Variants in KIAA1958 observed in about 807,000 individuals in gnomAD.
The protein encoded by KIAA1958 is uncharacterized protein KIAA1958.
Under a neutral mutation model 47.2 loss-of-function variants are expected in KIAA1958, and 14 were observed. The ratio of observed to expected loss-of-function variants is 0.30; its 90% confidence interval spans 0.20 to 0.46. The LOEUF (loss-of-function observed/expected upper bound fraction) is 0.46. Among genes scored for constraint, KIAA1958 ranks in the 20% least tolerant of loss-of-function variants. The probability of loss-of-function intolerance (pLI) is 1.00; values close to 1 mark genes in which losing one functional copy is unlikely to be tolerated. For synonymous variants in KIAA1958, 354 were observed against 353.3 expected, an observed-to-expected ratio of 1.00 and a Z score of -0.02; for missense variants, 803 against 909.2, an observed-to-expected ratio of 0.88 and a Z score of 1.50.
intron 3 of KIAA1958, among the ~76,000 whole-genome samples, chr9:112,647,699 A>C: frequency 6.6e-6 from 1 of 152,258 alleles, no homozygotes; most frequent in East Asian, 1.9e-4. Context: ...AACCAGACAC[A>C]ACATGTGAAA....
In KIAA1958 at chr9:112,660,885, C is replaced by T. The variant is rs1354257784; in HGVS notation, c.*816C>T. On this transcript the variant is annotated 3_prime_UTR_variant, in exon 4 of 4. Coordinates refer to ENST00000337530, the MANE Select transcript of KIAA1958 (RefSeq NM_133465.4). ...TGAAAACCTCCTGAAGCAGAAGTGC[C>T]TATGTTTTATTTCTCAGCACCATGT... 6.6e-6 allele frequency: 1 copy of T among 152,166 alleles called. No individual in the cohort carries two copies. Among genetic ancestry groups the T allele is most frequent in the African/African-American group, 2.4e-5 (1 of 41,426 alleles). 9.4% of individuals were successfully genotyped at this position (152,166 alleles called of 1,614,324 possible).
At chr9:112,657,360 G>C (rs1231490363) in intron 3 of KIAA1958, among the ~76,000 whole-genome samples, 1 of 152,112 alleles carries the variant, frequency 6.6e-6, no homozygotes, top group African/African-American at 2.4e-5. Context: ...CCAAAGTGCT[G>C]AGATTACAGG....
chr9:112,504,499 A>G (rs1834201752), intron 1 of KIAA1958, among the ~76,000 whole-genome samples: 2 of 152,142 alleles, frequency 1.3e-5, no homozygotes, highest in South Asian at 4.1e-4. Flanking sequence ...AAGATTAACT[A>G]TTTTTAATCC....
At position 112,661,231 on chromosome 9, in the gene KIAA1958, T is replaced by C. The variant is rs1175224525; in HGVS notation, c.*1162T>C. On this transcript the variant is annotated 3_prime_UTR_variant, in exon 4 of 4. Transcript: ENST00000337530. Reference sequence around the variant, plus strand: ...AAACTCAGCATTAAGGATGTAGTTATAAAATTAGCGCATAATGGTAGGTAA... The same window carrying C: ...AAACTCAGCATTAAGGATGTAGTTACAAAATTAGCGCATAATGGTAGGTAA... The C allele has an allele frequency of 6.6e-6, 1 of 152,224 alleles. No individual in the cohort carries two copies. Among genetic ancestry groups the C allele is most frequent in the Non-Finnish European group, 1.5e-5 (1 of 68,048 alleles). 9.4% of individuals were successfully genotyped at this position (152,224 alleles called of 1,614,324 possible).
rs371519451 is a variant in KIAA1958 at position 112,496,001 on chromosome 9, A to G, written c.-25+8883A>G. The stretch of plus-strand genomic sequence containing the variant: ...CTTACTGACAAACTTGAGTGAGGCC[A>G]TCTTTGACCTTATAGTTTAGCTGAC... On this transcript the variant is annotated intron_variant, in intron 1 of 3. Transcript: ENST00000337530. 1.7e-4 allele frequency among the ~76,000 whole-genome samples: 26 copies of G among 152,330 alleles called. No individual in the cohort carries two copies. In the East Asian group the frequency reaches 1.7e-3, roughly 10 times the overall value.
chr9:112,615,271 T>A (rs1010280960), intron 2 of KIAA1958, among the ~76,000 whole-genome samples: 2 of 151,664 alleles, frequency 1.3e-5, no homozygotes, highest in Admixed American at 6.6e-5. Flanking sequence ...AATACAAAAA[T>A]TAGCCAGGCA....
chr9:112,512,729 C>G (rs1239977692), intron 1 of KIAA1958, among the ~76,000 whole-genome samples: 2 of 151,546 alleles, frequency 1.3e-5, no homozygotes, highest in African/African-American at 2.4e-5. Flanking sequence ...GCAGGGGAGA[C>G]AAGTTACTGG....
In KIAA1958 at chr9:112,668,550, G is replaced by C. The variant is rs1837379944; in HGVS notation, c.*8481G>C. The C allele has an allele frequency of 6.6e-6, 1 of 152,158 alleles. No homozygotes were observed. Among genetic ancestry groups the C allele is most frequent in the South Asian group, 2.1e-4 (1 of 4,832 alleles). The allele number at this position is 152,158 out of a possible 1,614,324, so 9.4% of individuals were successfully genotyped here. On this transcript the variant is annotated 3_prime_UTR_variant, in exon 4 of 4. Transcript: ENST00000337530. ...TTTGTTTTTTCATTTGCTTGCACTG[G>C]AAGGCCTTGAAAACACACAGGAGTG... is the stretch of plus-strand genomic sequence containing the variant.
intron 1 of KIAA1958, among the ~76,000 whole-genome samples, chr9:112,488,340 CT>C (rs1833906250): frequency 6.6e-6 from 1 of 152,070 alleles, no homozygotes; most frequent in Non-Finnish European, 1.5e-5. Flanking sequence ...TCTGAATTGT[CT>C]TATTTGATTA....
chr9:112,543,299 C>A (rs1378036474), intron 1 of KIAA1958, among the ~76,000 whole-genome samples: 1 of 151,950 alleles, frequency 6.6e-6, no homozygotes, highest in East Asian at 1.9e-4. Context: ...TTTGGAAAAA[C>A]CAGAAGTTCA....
rs558932351 is a variant in KIAA1958, at chr9:112,648,906, G to A, written c.1344+3084G>A. The stretch of plus-strand genomic sequence containing the variant: ...TAAAGGATGAATCCATCAAAACCAG[G>A]CCAGAACTAACTAGATTATATAACT... On this transcript the variant is annotated intron_variant, in intron 3 of 3. Transcript: ENST00000337530. Among the ~76,000 whole-genome samples, 4 of 152,032 alleles carry A rather than the reference G, an allele frequency of 2.6e-5. No homozygotes were observed. The South Asian group carries it at 8.3e-4, about 32-fold the overall frequency.
intron 1 of KIAA1958, among the ~76,000 whole-genome samples, chr9:112,564,253 C>G (rs1350786708): frequency 6.6e-6 from 1 of 152,180 alleles, no homozygotes; most frequent in Non-Finnish European, 1.5e-5. Context: ...ACCAGTGAAA[C>G]CACCTGAGCC....
At chr9:112,580,235 AG>A (rs1835713962) in intron 2 of KIAA1958, among the ~76,000 whole-genome samples, 1 of 152,170 alleles carries the variant, frequency 6.6e-6, no homozygotes, top group South Asian at 2.1e-4. Context: ...GCAGTAAACC[AG>A]AGATTCCTAC....
At chr9:112,527,239 A>G (rs1047502823) in intron 1 of KIAA1958, among the ~76,000 whole-genome samples, 6 of 152,196 alleles carry the variant, frequency 3.9e-5, no homozygotes, top group African/African-American at 1.4e-4. Flanking sequence ...ATATACACAG[A>G]AAGGATACTG....
chr9:112,523,141 T>C (rs1446600886), intron 1 of KIAA1958, among the ~76,000 whole-genome samples: 1 of 152,188 alleles, frequency 6.6e-6, no homozygotes, highest in East Asian at 1.9e-4. Flanking sequence ...ATTCCTTATT[T>C]GAGAAGTGGT....
chr9:112,608,038 C>T (rs1459053503), intron 2 of KIAA1958, among the ~76,000 whole-genome samples: 1 of 152,158 alleles, frequency 6.6e-6, no homozygotes. Flanking sequence ...ACAAACTTAG[C>T]CAGCTGAGAG....
At chr9:112,568,936 TAAAAAAAAAAAAAAAAAAAA>T (rs57898820) in intron 1 of KIAA1958, among the ~76,000 whole-genome samples, 1 of 36,454 alleles carries the variant, frequency 2.7e-5, no homozygotes, top group Non-Finnish European at 4.5e-5. Context: ...ATAGGAAAAC[TAAAAAAAAAAAAAAAAAAAA>T]AAAAAAAAAA....
rs540098851 is a variant in KIAA1958 at position 112,577,204 on chromosome 9, G to A, written c.1171+1953G>A. Among the ~76,000 whole-genome samples the A allele has an allele frequency of 5.9e-5, 9 of 151,952 alleles. No homozygotes were observed. The South Asian group carries it at 1.9e-3, about 32-fold the overall frequency. On this transcript the variant is annotated intron_variant, in intron 2 of 3. Transcript: ENST00000337530. ...CCATTTTAAAATTGCCTTCTTATTG[G>A]TGAGTTTTTGGAGTTCTTTATGTGT...
At position 112,618,769 on chromosome 9, in the gene KIAA1958, C is replaced by T. The variant is rs1369786758; in HGVS notation, c.1172-26881C>T. ...CCAACTTCAGTGTGTATCAGAGCTG[C>T]AGCACCTTGTCTGAGGCCCAGAGCA... On this transcript the variant is annotated intron_variant, in intron 2 of 3. Transcript: ENST00000337530. This position sits in a 1 kb window ranked among gnomAD's most constrained non-coding sequence, Gnocchi z 7.1. 6.4e-7 allele frequency: 1 copy of T among 1,550,666 alleles called. No homozygotes were observed. Among genetic ancestry groups the T allele is most frequent in the Non-Finnish European group, 8.7e-7 (1 of 1,147,012 alleles).
Sources: gnomAD v4.1 joint callset for allele counts (sites outside exome capture counted in the v4.1 genomes callset) on GRCh38, gnomAD v4.1.1 for gene constraint, Gnocchi (gnomAD v3.1) non-coding constraint, MANE v1.5 for transcripts, NCBI Gene and HGNC (gene_info 2026-07-23, HGNC 2026-07-21) for gene names.